The following GATB variants were observed in gnomAD, a reference collection of about 807,000 sequenced individuals.
GATB encodes glutamyl-tRNA amidotransferase subunit B.
A neutral mutation model predicts 62.3 loss-of-function variants in GATB; 39 were observed. That is an observed-to-expected ratio of 0.63 (90% CI 0.48 to 0.82). The LOEUF (loss-of-function observed/expected upper bound fraction) is 0.82. GATB is among the 40% of genes least tolerant of loss of function. The pLI is 0.00. For missense variants in GATB, 670 were observed against 684.0 expected (o/e 0.98, Z 0.23); for synonymous variants, 276 against 258.9 (o/e 1.07, Z -0.63).
chr4:151,719,369 C>G, intron 3 of GATB, 56 bp downstream of exon 3: 1 of 1,275,360 alleles, frequency 7.8e-7, no homozygotes, highest in African/African-American at 1.5e-5. Flanking sequence ...CCCCCCACAG[C>G]AGGGCTGGCC....
At chr4:151,712,641 C>CA (rs972401599) in intron 5 of GATB, among the ~76,000 whole-genome samples, 11 of 149,156 alleles carry the variant, frequency 7.4e-5, no homozygotes, top group East Asian at 3.9e-4. Context: ...AAGGTTTGAC[C>CA]AAAAAAAAAG....
chr4:151,672,582 AT>A (rs1737897551), intron 12 of GATB, 179 bp downstream of exon 12: 2 of 598,230 alleles, frequency 3.3e-6, no homozygotes, highest in Non-Finnish European at 5.6e-6. Context: ...TGTTTTTCCA[AT>A]ATCCACCTAT....
At chr4:151,723,289 C>A (rs1739067662) in intron 2 of GATB, 2 of 152,142 alleles carry the variant, frequency 1.3e-5, no homozygotes, top group Non-Finnish European at 2.9e-5. Flanking sequence ...CTATTATGAT[C>A]CTCATCTTAC....
intron 2 of GATB, among the ~76,000 whole-genome samples, chr4:151,728,917 C>G (rs557807805): frequency 6.6e-6 from 1 of 152,150 alleles, no homozygotes; most frequent in African/African-American, 2.4e-5. Context: ...CAGGTATGAA[C>G]GAGGCCTATG....
chr4:151,707,682 C>T (rs908719531), intron 6 of GATB, among the ~76,000 whole-genome samples: 11 of 152,158 alleles, frequency 7.2e-5, no homozygotes, highest in African/African-American at 2.4e-4. Flanking sequence ...TCCCGAAATG[C>T]TCCCACTGCC....
chr4:151,737,195 A>C (rs2126990540), intron 2 of GATB, among the ~76,000 whole-genome samples: 1 of 152,344 alleles, frequency 6.6e-6, no homozygotes, highest in African/African-American at 2.4e-5. Context: ...TCTGACCAAA[A>C]GCCTGATAGC....
At position 151,672,872 on chromosome 4, in the gene GATB, C is replaced by T. The variant is rs1408665979; in HGVS notation, c.1435G>A (p.Glu479Lys). 3.7e-6 allele frequency: 6 copies of T among 1,614,204 alleles called. No homozygotes were observed. Among genetic ancestry groups the T allele is most frequent in the Non-Finnish European group, 4.2e-6 (5 of 1,180,030 alleles). ...ACAATCTGCCCTGGAGTCTTGCCTT[C>T]CCTCTTCCACAGTTCCTCAAACACC... Reference protein sequence around the residue: ...KQVFEELWKREGKTPGQIVSE... With the variant: ...KQVFEELWKRKGKTPGQIVSE... The change falls in exon 12 of 13, where the codon GAA (glutamate) becomes AAA (lysine). Residue 479 changes from glutamate to lysine, a missense_variant. Coordinates refer to ENST00000263985, the MANE Select transcript of GATB (RefSeq NM_004564.3).
At chr4:151,694,198 A>G (rs1223656871) in intron 9 of GATB, among the ~76,000 whole-genome samples, 6 of 152,212 alleles carry the variant, frequency 3.9e-5, no homozygotes. Context: ...ATCTGCCTGA[A>G]ACCTGAAATA....
intron 5 of GATB, among the ~76,000 whole-genome samples, chr4:151,714,575 T>C (rs895966273): frequency 6.6e-6 from 1 of 152,248 alleles, no homozygotes; most frequent in Admixed American, 6.5e-5. Flanking sequence ...CAGCTGTCAC[T>C]GACTGATGAG....
intron 2 of GATB, among the ~76,000 whole-genome samples, chr4:151,736,818 A>T (rs1441153748): frequency 6.6e-6 from 1 of 152,118 alleles, no homozygotes; most frequent in African/African-American, 2.4e-5. Flanking sequence ...GTCTCACGAG[A>T]TCTGATGGTT....
intron 10 of GATB, among the ~76,000 whole-genome samples, chr4:151,682,162 C>T (rs1738153021): frequency 6.6e-6 from 1 of 152,178 alleles, no homozygotes; most frequent in Non-Finnish European, 1.5e-5. Context: ...TTTCCACTGA[C>T]GTAATCACAC....
intron 11 of GATB, among the ~76,000 whole-genome samples, chr4:151,679,446 G>A (rs1045692722): frequency 1.3e-5 from 2 of 152,170 alleles, no homozygotes; most frequent in Admixed American, 1.3e-4. Context: ...GCTGGGAGGC[G>A]GTGTGGGGGC....
chr4:151,675,658 A>C (rs1737984558), intron 11 of GATB: 1 of 152,330 alleles, frequency 6.6e-6, no homozygotes, highest in Non-Finnish European at 1.5e-5. Flanking sequence ...TCCAAGTGCA[A>C]CTGTTTCCAG....
chr4:151,681,367 C>A (rs758962610), intron 10 of GATB, among the ~76,000 whole-genome samples: 4 of 152,170 alleles, frequency 2.6e-5, no homozygotes, highest in Non-Finnish European at 5.9e-5. Flanking sequence ...TCTGGTGTTA[C>A]TAAATTGGTA....
chr4:151,671,533 G>GTGAT (rs1737861002), intron 12 of GATB, among the ~76,000 whole-genome samples: 1 of 152,184 alleles, frequency 6.6e-6, no homozygotes, highest in African/African-American at 2.4e-5. Context: ...TGAGCAAGAA[G>GTGAT]TGATTGCCGA....
chr4:151,753,564 A>T (rs886793935), intron 2 of GATB, among the ~76,000 whole-genome samples: 1 of 152,056 alleles, frequency 6.6e-6, no homozygotes, highest in Non-Finnish European at 1.5e-5. Flanking sequence ...TCTCTGGGTT[A>T]CAGAGAGGAT....
intron 3 of GATB, chr4:151,717,356 C>T (rs560898029): frequency 7.1e-6 from 3 of 420,108 alleles, no homozygotes; most frequent in East Asian, 9.9e-5. Flanking sequence ...CATTAAAGTG[C>T]TGTATTGGGG....
At chr4:151,706,899 T>C (rs1738726374) in intron 6 of GATB, among the ~76,000 whole-genome samples, 1 of 152,220 alleles carries the variant, frequency 6.6e-6, no homozygotes, top group Non-Finnish European at 1.5e-5. Flanking sequence ...ATAGCTTCGG[T>C]TTTAAAAAAT....
At chr4:151,743,363 C>G (rs572414027) in intron 2 of GATB, among the ~76,000 whole-genome samples, 11 of 152,332 alleles carry the variant, frequency 7.2e-5, no homozygotes, top group African/African-American at 2.6e-4. Flanking sequence ...GTTTAGATCT[C>G]ACACCTAGAG....
Sources: gnomAD v4.1 joint callset for allele counts (sites outside exome capture counted in the v4.1 genomes callset) on GRCh38, gnomAD v4.1.1 for gene constraint, MANE v1.5 for transcripts, NCBI Gene and HGNC (gene_info 2026-07-23, HGNC 2026-07-21) for gene names.